Variants in PSD3 observed in about 807,000 individuals in gnomAD.
PSD3 encodes the protein PH and SEC7 domain-containing protein 3.
In PSD3, 49 loss-of-function variants were observed where a neutral mutation model predicts 105.5. The observed-to-expected ratio is 0.46, with a 90% CI of 0.37 to 0.59. The LOEUF is 0.59. PSD3 is among the 20% of genes least tolerant of loss of function. PSD3 has a pLI of 0.00. For missense variants in PSD3, 1,561 were observed against 1,263.8 expected, an observed-to-expected ratio of 1.24 and a Z score of -3.57; for synonymous variants, 557 against 457.8, an observed-to-expected ratio of 1.22 and a Z score of -2.77.
chr8:18,827,462 G>A (rs1190608914), intron 4 of PSD3, among the ~76,000 whole-genome samples: 6 of 152,168 alleles, frequency 3.9e-5, no homozygotes, highest in Non-Finnish European at 7.3e-5. Flanking sequence ...CTTAGGCAAG[G>A]GAGCTAGGAA....
chr8:18,740,093 C>T lies in PSD3; in HGVS notation c.2172+25356G>A, dbSNP rs935969598. Among the ~76,000 whole-genome samples the T allele has an allele frequency of 3.3e-5, 5 of 152,156 alleles. No homozygotes were observed. In the East Asian group the frequency reaches 7.7e-4, roughly 23 times the overall value. Reference sequence around the variant, plus strand: ...CAGAGTGGAGGCCAGCCAGCCTCCACGAGCAGGAGCTGCTGTCCATGGAGC... The same window carrying T: ...CAGAGTGGAGGCCAGCCAGCCTCCATGAGCAGGAGCTGCTGTCCATGGAGC... On this transcript the variant is annotated intron_variant, in intron 9 of 15. Transcript: ENST00000327040.
rs186769687 is a variant in PSD3 at position 18,899,363 on chromosome 8, C to G, written c.131-26630G>C. Among the ~76,000 whole-genome samples the G allele has an allele frequency of 4.6e-5, 7 of 152,264 alleles. 1 individual carries two copies. The highest frequency in any genetic ancestry group is 5.9e-5 in the Non-Finnish European group (4 of 68,018). Reference sequence around the variant, plus strand: ...AATCCTGTGAAGTCCTGCACAACATCTGGATAAAGTTTTCTCCAGCAAGAA... The same window carrying G: ...AATCCTGTGAAGTCCTGCACAACATGTGGATAAAGTTTTCTCCAGCAAGAA... On this transcript the variant is annotated intron_variant, in intron 2 of 15. Transcript: ENST00000327040.
chr8:18,771,130 T>C (rs1392482362), intron 8 of PSD3, among the ~76,000 whole-genome samples: 4 of 152,184 alleles, frequency 2.6e-5, no homozygotes. Flanking sequence ...CTCTCTCTGC[T>C]GGCTGAGGCT....
At chr8:18,928,234 A>T (rs1366459007) in intron 2 of PSD3, among the ~76,000 whole-genome samples, 1 of 152,172 alleles carries the variant, frequency 6.6e-6, no homozygotes, top group Admixed American at 6.5e-5. Context: ...GATAGCAAAT[A>T]AGTCTCATGA....
At position 18,680,876 on chromosome 8, in the gene PSD3, T is replaced by A. The variant is rs575109956; in HGVS notation, c.2173-25191A>T. 7.9e-5 allele frequency among the ~76,000 whole-genome samples: 12 copies of A among 152,324 alleles called. No individual in the cohort carries two copies. The East Asian group carries it at 2.1e-3, about 27-fold the overall frequency. Reference sequence around the variant, plus strand: ...AAGAAAAGCATTTAAGATATCTCACTAAAATTAAAAGCAAAACTTCTAATC... The same window carrying A: ...AAGAAAAGCATTTAAGATATCTCACAAAAATTAAAAGCAAAACTTCTAATC... On this transcript the variant is annotated intron_variant, in intron 9 of 15. Coordinates refer to ENST00000327040, the MANE Select transcript of PSD3 (RefSeq NM_015310.4).
At chr8:18,601,675 C>T (rs1047172448) in intron 11 of PSD3, among the ~76,000 whole-genome samples, 4 of 152,144 alleles carry the variant, frequency 2.6e-5, no homozygotes, top group Admixed American at 2.6e-4. Context: ...TAAAGGTATA[C>T]TAAAAATACA....
chr8:18,661,724 G>C (rs985270967), intron 9 of PSD3, among the ~76,000 whole-genome samples: 1 of 152,156 alleles, frequency 6.6e-6, no homozygotes, highest in East Asian at 1.9e-4. Context: ...AAGGGCAATT[G>C]TTAAGCAGAG....
intron 11 of PSD3, among the ~76,000 whole-genome samples, chr8:18,615,093 A>G (rs933973827): frequency 6.6e-6 from 1 of 152,122 alleles, no homozygotes; most frequent in Non-Finnish European, 1.5e-5. Flanking sequence ...AATATGTTCA[A>G]TTCTTTGCCG....
At chr8:18,552,520 C>A (rs1030760351) in intron 15 of PSD3, among the ~76,000 whole-genome samples, 2 of 152,166 alleles carry the variant, frequency 1.3e-5, no homozygotes, top group African/African-American at 4.8e-5. Flanking sequence ...AACAGCTCAA[C>A]CAACTGTGCT....
At chr8:18,541,036 T>A (rs1800122212) in intron 15 of PSD3, among the ~76,000 whole-genome samples, 1 of 151,950 alleles carries the variant, frequency 6.6e-6, no homozygotes, top group Non-Finnish European at 1.5e-5. Context: ...GTGTGCACTT[T>A]AACATCACTT....
At chr8:18,979,472 A>C (rs1825138082) in intron 1 of PSD3, 2 of 152,194 alleles carry the variant, frequency 1.3e-5, no homozygotes. Context: ...AAAACCAGAA[A>C]TTGCTGTTTT....
At chr8:18,659,992 G>C (rs1809224001) in intron 9 of PSD3, among the ~76,000 whole-genome samples, 1 of 152,160 alleles carries the variant, frequency 6.6e-6, no homozygotes, top group South Asian at 2.1e-4. Context: ...CAGCCCATAT[G>C]AATACATACA....
intron 8 of PSD3, among the ~76,000 whole-genome samples, chr8:18,770,948 C>G (rs1044675833): frequency 6.6e-6 from 1 of 152,140 alleles, no homozygotes; most frequent in East Asian, 1.9e-4. Flanking sequence ...GGAAGTGGCT[C>G]TCAGCAGGAA....
rs1344855475 is a variant in PSD3 at position 18,790,300 on chromosome 8, CTTTTCTTTTTTT to C, written c.2082+8983_2082+8994del. On this transcript the variant is annotated intron_variant, in intron 8 of 15. Coordinates refer to ENST00000327040, the MANE Select transcript of PSD3 (RefSeq NM_015310.4). The stretch of plus-strand genomic sequence containing the variant: ...TTAGATCATAACATTTTTCTTTTTT[CTTTTCTTTTTTT>C]TTTTTTTTTGAGACGGAGTCTTGCT... Among the ~76,000 whole-genome samples the C allele has an allele frequency of 2.4e-3, 343 of 144,482 alleles. 2 individuals are homozygous for C. The highest frequency in any genetic ancestry group is 8.7e-3 in the African/African-American group (334 of 38,522). The allele number at this position is 144,482 out of a possible 152,430, so 94.8% of individuals were successfully genotyped here.
At chr8:18,896,449 T>C (rs1819154482) in intron 2 of PSD3, among the ~76,000 whole-genome samples, 1 of 152,240 alleles carries the variant, frequency 6.6e-6, no homozygotes, top group Non-Finnish European at 1.5e-5. Flanking sequence ...GGTCTCGCTC[T>C]GTCGTTCAGG....
At chr8:18,958,681 T>C (rs995893563) in intron 1 of PSD3, among the ~76,000 whole-genome samples, 11 of 152,140 alleles carry the variant, frequency 7.2e-5, no homozygotes, top group African/African-American at 1.2e-4. Flanking sequence ...ACCACACTGA[T>C]AGATGAAAAA....
chr8:18,570,067 C>T lies in PSD3; in HGVS notation c.2784+2461G>A, dbSNP rs1322834201. ...CTGGAGGCATCACACTACCTGACTT[C>T]AAACTATACTACAAGGCTATAGCAA... On this transcript the variant is annotated intron_variant, in intron 14 of 15. Coordinates refer to ENST00000327040, the MANE Select transcript of PSD3 (RefSeq NM_015310.4). Among the ~76,000 whole-genome samples the T allele has an allele frequency of 1.7e-4, 3 of 17,538 alleles. 1 individual carries two copies. Among genetic ancestry groups the T allele is most frequent in the Non-Finnish European group, 6.7e-4 (3 of 4,464 alleles). The allele number at this position is 17,538 out of a possible 152,430, so 11.5% of individuals were successfully genotyped here. A position where few individuals can be genotyped will look rare whatever the true frequency, so the allele number is the denominator to read the frequency against.
chr8:18,653,671 C>T (rs1451806195), intron 10 of PSD3, among the ~76,000 whole-genome samples: 1 of 152,036 alleles, frequency 6.6e-6, no homozygotes, highest in Admixed American at 6.6e-5. Flanking sequence ...GGGTAAACTC[C>T]CGCCCCTCCA....
chr8:18,908,667 T>C (rs1164159659), intron 2 of PSD3, among the ~76,000 whole-genome samples: 1 of 152,216 alleles, frequency 6.6e-6, no homozygotes, highest in Non-Finnish European at 1.5e-5. Context: ...AGTCATCTGT[T>C]CATGAGATTC....
Sources: gnomAD v4.1 joint callset for allele counts (sites outside exome capture counted in the v4.1 genomes callset) on GRCh38, gnomAD v4.1.1 for gene constraint, MANE v1.5 for transcripts, NCBI Gene and HGNC (gene_info 2026-07-23, HGNC 2026-07-21) for gene names.